The following PAK5 variants were observed in gnomAD, a reference collection of about 807,000 sequenced individuals.
The protein encoded by PAK5 is p21 (RAC1) activated kinase 5, also known as serine/threonine-protein kinase PAK 5.
PAK5 carries 16 observed loss-of-function variants against 65.9 expected under a neutral mutation model. The observed-to-expected ratio is 0.24, with a 90% CI of 0.16 to 0.37. PAK5 has a LOEUF of 0.37. Ranked by LOEUF, PAK5 falls within the 10% of genes least tolerant of loss-of-function variation. The pLI is 1.00. For synonymous variants in PAK5, 371 were observed against 354.9 expected (o/e 1.05, Z -0.51); for missense variants, 785 against 903.9 (o/e 0.87, Z 1.69).
chr20:9,652,237 C>T (rs2047212006), intron 2 of PAK5, among the ~76,000 whole-genome samples: 1 of 152,190 alleles, frequency 6.6e-6, no homozygotes, highest in Non-Finnish European at 1.5e-5. Context: ...GCACCAACCA[C>T]ACCATCCCCT....
chr20:9,556,355 C>T (rs1173559625), intron 7 of PAK5, among the ~76,000 whole-genome samples: 7 of 152,196 alleles, frequency 4.6e-5, no homozygotes, highest in African/African-American at 1.4e-4. Context: ...ACATTTTCTA[C>T]AATAATATTT....
chr20:9,722,592 G>C (rs916558586), intron 1 of PAK5, among the ~76,000 whole-genome samples: 1 of 152,082 alleles, frequency 6.6e-6, no homozygotes, highest in South Asian at 2.1e-4. Flanking sequence ...AGCCTGGGGG[G>C]ACAGAGCGAG....
At chr20:9,718,349 G>A (rs771068778) in intron 1 of PAK5, among the ~76,000 whole-genome samples, 25 of 152,150 alleles carry the variant, frequency 1.6e-4, no homozygotes, top group Non-Finnish European at 2.8e-4. Context: ...TTAGAGACTG[G>A]AAGGGTTCCA....
chr20:9,656,212 A>G (rs1394258926), intron 2 of PAK5, among the ~76,000 whole-genome samples: 1 of 152,134 alleles, frequency 6.6e-6, no homozygotes, highest in Admixed American at 6.6e-5. Context: ...CCTTAATTTC[A>G]TTTTGATCTT....
chr20:9,798,141 G>A (rs183632567), intron 1 of PAK5, among the ~76,000 whole-genome samples: 2 of 152,236 alleles, frequency 1.3e-5, no homozygotes, highest in South Asian at 2.1e-4. Context: ...AACAAGATTG[G>A]AATGGGTTTA....
At chr20:9,748,723 T>G (rs773453421) in intron 1 of PAK5, among the ~76,000 whole-genome samples, 10 of 152,268 alleles carry the variant, frequency 6.6e-5, no homozygotes, top group Non-Finnish European at 8.8e-5. Context: ...AGCTGTGCCA[T>G]CCAATAGAAT....
At chr20:9,629,944 C>T (rs914363511) in intron 3 of PAK5, among the ~76,000 whole-genome samples, 2 of 152,062 alleles carry the variant, frequency 1.3e-5, no homozygotes, top group African/African-American at 4.8e-5. Flanking sequence ...GAACACTAAT[C>T]GGAAACTGAA....
At chr20:9,741,599 A>G (rs1219416805) in intron 1 of PAK5, among the ~76,000 whole-genome samples, 1 of 152,156 alleles carries the variant, frequency 6.6e-6, no homozygotes, top group African/African-American at 2.4e-5. Context: ...TCTATAAATT[A>G]AAGATTAATA....
At chr20:9,650,206 C>T (rs1412770463) in intron 2 of PAK5, among the ~76,000 whole-genome samples, 1 of 152,206 alleles carries the variant, frequency 6.6e-6, no homozygotes, top group Non-Finnish European at 1.5e-5. Flanking sequence ...CTGAATGTTG[C>T]TTCCATGATA....
At chr20:9,620,821 C>T (rs540701895) in intron 3 of PAK5, among the ~76,000 whole-genome samples, 1 of 152,086 alleles carries the variant, frequency 6.6e-6, no homozygotes, top group East Asian at 1.9e-4. Context: ...GCCATCAGTC[C>T]CCAGGTGTAG....
intron 2 of PAK5, among the ~76,000 whole-genome samples, chr20:9,705,125 T>C (rs1160487372): frequency 2.6e-5 from 4 of 152,140 alleles, no homozygotes; most frequent in Non-Finnish European, 1.5e-5. Context: ...CACAGGACAG[T>C]ATCCCATGGG....
At chr20:9,806,187 C>G (rs954420427) in intron 1 of PAK5, among the ~76,000 whole-genome samples, 40 of 152,118 alleles carry the variant, frequency 2.6e-4, no homozygotes, top group African/African-American at 9.6e-4. Context: ...TGGGGTTTCA[C>G]CATGTTGGCC....
intron 2 of PAK5, among the ~76,000 whole-genome samples, chr20:9,666,161 T>G (rs1415238269): frequency 2.0e-5 from 3 of 151,790 alleles, no homozygotes; most frequent in Admixed American, 6.6e-5. Flanking sequence ...ATAACAGAAA[T>G]GAGAAAGAAT....
intron 4 of PAK5, among the ~76,000 whole-genome samples, chr20:9,570,274 C>T (rs944491830): frequency 1.3e-5 from 2 of 152,112 alleles, no homozygotes; most frequent in Non-Finnish European, 2.9e-5. Context: ...GCAATATTAT[C>T]AAACTAGCTA....
At chr20:9,680,645 T>C (rs946667470) in intron 2 of PAK5, among the ~76,000 whole-genome samples, 6 of 152,182 alleles carry the variant, frequency 3.9e-5, no homozygotes, top group Non-Finnish European at 7.3e-5. Context: ...CCTGAGCATG[T>C]TTCTGTGACC....
rs111543434 is a variant in PAK5, at chr20:9,557,671, A to G, written c.1680T>C (p.His560=). Residue 560 remains histidine, a synonymous_variant, in exon 7 of 10, where the codon CAT becomes CAC. Transcript: ENST00000353224. ...TGTCCCTGTGAATCACTCCTTGGTT[A>G]TGAAGGTAGGAGAGAGCTCTCAGAA... is the stretch of plus-strand genomic sequence containing the variant. ...LSVLRALSYL[H]NQGVIHRDIK... The G allele has an allele frequency of 3.4e-5, 55 of 1,611,516 alleles. No homozygotes were observed. In the African/African-American group the frequency reaches 4.1e-4, roughly 12 times the overall value.
intron 3 of PAK5, among the ~76,000 whole-genome samples, chr20:9,622,325 A>C (rs942681463): frequency 2.6e-5 from 4 of 152,248 alleles, no homozygotes; most frequent in African/African-American, 9.6e-5. Context: ...TAATTAAAAT[A>C]AAATCAAATC....
chr20:9,663,037 T>A (rs1294608374), intron 2 of PAK5, among the ~76,000 whole-genome samples: 2 of 152,192 alleles, frequency 1.3e-5, no homozygotes, highest in African/African-American at 4.8e-5. Context: ...AGCAGTAACA[T>A]TTTTAAGGAA....
intron 1 of PAK5, among the ~76,000 whole-genome samples, chr20:9,829,640 A>G (rs2123786651): frequency 6.6e-6 from 1 of 152,300 alleles, no homozygotes; most frequent in South Asian, 2.1e-4. Context: ...ATTGAGTGTT[A>G]CCTTTCTAAA....
Sources: gnomAD v4.1 joint callset for allele counts (sites outside exome capture counted in the v4.1 genomes callset) on GRCh38, gnomAD v4.1.1 for gene constraint, MANE v1.5 for transcripts, NCBI Gene and HGNC (gene_info 2026-07-23, HGNC 2026-07-21) for gene names.